RARB: variants seen among roughly 807,000 people sequenced by gnomAD.
RARB encodes the protein HBV-activated protein.
A neutral mutation model predicts 51.9 loss-of-function variants in RARB; 17 were observed. That is an observed-to-expected ratio of 0.33 (90% CI 0.22 to 0.49). The LOEUF is 0.49. Among genes scored for constraint, RARB ranks in the 20% least tolerant of loss-of-function variants. RARB has a pLI of 0.99. For missense variants in RARB, 369 were observed against 550.8 expected (o/e 0.67, Z 3.30); for synonymous variants, 215 against 195.4 (o/e 1.10, Z -0.84).
intron 4 of RARB, among the ~76,000 whole-genome samples, chr3:25,158,299 A>G (rs1700411605): frequency 1.3e-5 from 2 of 152,258 alleles, no homozygotes; most frequent in Non-Finnish European, 2.9e-5. Context: ...GAATGCTATA[A>G]TTATTGAAAT....
At chr3:25,180,474 T>A (rs750814359) in intron 5 of RARB, among the ~76,000 whole-genome samples, 80 of 152,226 alleles carry the variant, frequency 5.3e-4, no homozygotes, top group Non-Finnish European at 1.0e-3. Context: ...CTCAATGAAC[T>A]CATCCATCTG....
At chr3:25,309,486 C>CTTT (rs149976069) in intron 5 of RARB, among the ~76,000 whole-genome samples, 6 of 58,084 alleles carry the variant, frequency 1.0e-4, no homozygotes, top group African/African-American at 1.3e-4. Flanking sequence ...CTCATAGTTG[C>CTTT]TTTTTTTTTT....
intron 3 of RARB, among the ~76,000 whole-genome samples, chr3:25,097,253 C>G (rs530289076): frequency 4.1e-4 from 62 of 152,214 alleles, no homozygotes; most frequent in African/African-American, 1.4e-3. Context: ...GAACCAAACA[C>G]TATTTGATGA....
At chr3:25,476,784 G>A (rs543826343) in intron 2 of RARB, among the ~76,000 whole-genome samples, 1 of 152,276 alleles carries the variant, frequency 6.6e-6, no homozygotes, top group African/African-American at 2.4e-5. Flanking sequence ...TCCTGAGGTT[G>A]CAAGTTTCCT....
At chr3:24,869,875 A>AT (rs371163006) in intron 2 of RARB, among the ~76,000 whole-genome samples, 142 of 152,218 alleles carry the variant, frequency 9.3e-4, no homozygotes, top group African/African-American at 2.9e-3. Context: ...TAGATTGTGT[A>AT]TGAGTATTCC....
intron 1 of RARB, among the ~76,000 whole-genome samples, chr3:24,843,825 G>A (rs1428733987): frequency 1.3e-5 from 2 of 151,780 alleles, no homozygotes; most frequent in Non-Finnish European, 2.9e-5. Context: ...TTTCTCCTAT[G>A]ACAAAGTCGA....
At chr3:25,322,621 T>A (rs1045511864) in intron 5 of RARB, among the ~76,000 whole-genome samples, 1 of 152,222 alleles carries the variant, frequency 6.6e-6, no homozygotes, top group Non-Finnish European at 1.5e-5. Flanking sequence ...TTTTAATTAA[T>A]TTTATAATCA....
intron 2 of RARB, among the ~76,000 whole-genome samples, chr3:25,498,378 C>A (rs1383200291): frequency 1.3e-5 from 2 of 152,124 alleles, no homozygotes; most frequent in Non-Finnish European, 2.9e-5. Flanking sequence ...TGATGCAAAC[C>A]TCTATTCGGC....
At chr3:25,406,776 G>C (rs538322011) in intron 5 of RARB, among the ~76,000 whole-genome samples, 2 of 152,246 alleles carry the variant, frequency 1.3e-5, no homozygotes, top group East Asian at 3.9e-4. Flanking sequence ...GCACAGTATC[G>C]AGCAGGATGG....
intron 5 of RARB, among the ~76,000 whole-genome samples, chr3:25,321,451 C>T (rs1019621693): frequency 2.6e-5 from 4 of 152,000 alleles, no homozygotes; most frequent in African/African-American, 9.7e-5. Flanking sequence ...GTCACGGTGG[C>T]TCACATCTGT....
intron 2 of RARB, among the ~76,000 whole-genome samples, chr3:24,903,471 T>C (rs1000740418): frequency 1.3e-5 from 2 of 152,180 alleles, no homozygotes; most frequent in Non-Finnish European, 2.9e-5. Context: ...AATCACAATA[T>C]ATTTGTACTT....
intron 5 of RARB, among the ~76,000 whole-genome samples, chr3:25,208,543 CT>C (rs1701616478): frequency 6.6e-6 from 1 of 152,068 alleles, no homozygotes; most frequent in Non-Finnish European, 1.5e-5. Context: ...TTGTCTCATC[CT>C]AAATATCAGT....
intron 2 of RARB, among the ~76,000 whole-genome samples, chr3:24,966,970 A>C (rs1184061409): frequency 6.6e-6 from 1 of 152,108 alleles, no homozygotes; most frequent in Non-Finnish European, 1.5e-5. Flanking sequence ...GCTTTCTATC[A>C]TGGAAGTCAC....
chr3:25,465,880 T>C (rs1201355889), intron 2 of RARB, among the ~76,000 whole-genome samples: 1 of 152,232 alleles, frequency 6.6e-6, no homozygotes, highest in Admixed American at 6.5e-5. Context: ...AACAGTCTTA[T>C]TGCTCATAGC....
chr3:25,469,863 T>C (rs1395271149), intron 2 of RARB, among the ~76,000 whole-genome samples: 1 of 152,160 alleles, frequency 6.6e-6, no homozygotes, highest in Non-Finnish European at 1.5e-5. Context: ...TAAAAGGATT[T>C]AAATTCTGGC....
At chr3:25,178,077 T>A (rs1700791503) in intron 5 of RARB, among the ~76,000 whole-genome samples, 1 of 151,992 alleles carries the variant, frequency 6.6e-6, no homozygotes. Flanking sequence ...GTGGAATAAT[T>A]GGCTATTGGT....
intron 2 of RARB, among the ~76,000 whole-genome samples, chr3:25,494,780 T>C (rs141688051): frequency 4.1e-3 from 632 of 152,334 alleles, no homozygotes; most frequent in African/African-American, 0.015. Context: ...TGTTTAGAGG[T>C]TGGACACTGT....
intron 5 of RARB, among the ~76,000 whole-genome samples, chr3:25,256,748 G>A (rs1431409854): frequency 1.3e-5 from 2 of 152,030 alleles, no homozygotes; most frequent in African/African-American, 4.8e-5. Context: ...AAACCAATTT[G>A]GCTACATATA....
chr3:25,504,396 T>G (rs1354428578), intron 3 of RARB, among the ~76,000 whole-genome samples: 2 of 152,190 alleles, frequency 1.3e-5, no homozygotes, highest in Non-Finnish European at 2.9e-5. Context: ...TGGCCTAACT[T>G]GGGTCATGTG....
Sources: gnomAD v4.1 joint callset for allele counts (sites outside exome capture counted in the v4.1 genomes callset) on GRCh38, gnomAD v4.1.1 for gene constraint, MANE v1.5 for transcripts, NCBI Gene and HGNC (gene_info 2026-07-23, HGNC 2026-07-21) for gene names.